Variants in SNX31 observed in about 807,000 individuals in gnomAD.
SNX31 encodes sorting nexin 31.
SNX31 carries 58 observed loss-of-function variants against 65.4 expected under a neutral mutation model. The observed-to-expected ratio is 0.89, with a 90% confidence interval of 0.72 to 1.10. SNX31 has a LOEUF of 1.10. SNX31 is among the 50% of genes least tolerant of loss of function. The pLI, the probability that SNX31 is intolerant of heterozygous loss-of-function variation, is 0.00. For missense variants in SNX31, 523 were observed against 529.7 expected (o/e 0.99, Z 0.12); for synonymous variants, 181 against 190.1 (o/e 0.95, Z 0.39).
In SNX31 at chr8:100,573,577, C is replaced by A. The variant is rs1812791911; in HGVS notation, c.*288G>T. On this transcript the variant is annotated 3_prime_UTR_variant, in exon 14 of 14. Transcript: ENST00000311812. ...TTTATATGAGTTGATTTGAATTTGC[C>A]ACTTGTCATTTATGAGACATTAAAA... is the stretch of plus-strand genomic sequence containing the variant. The A allele has an allele frequency of 4.3e-6, 1 of 232,240 alleles. No homozygotes were observed. Among genetic ancestry groups the A allele is most frequent in the African/African-American group, 2.3e-5 (1 of 44,426 alleles). 14.4% of individuals were successfully genotyped at this position (232,240 alleles called of 1,614,324 possible). A position where few individuals can be genotyped will look rare whatever the true frequency, so the allele number is the denominator to read the frequency against.
chr8:100,624,984 A>AT (rs146857029), intron 4 of SNX31, among the ~76,000 whole-genome samples: 1 of 151,670 alleles, frequency 6.6e-6, no homozygotes, highest in African/African-American at 2.4e-5. Flanking sequence ...TCTTATTATT[A>AT]TTTTTTTGTA....
Position 100,626,005 on chromosome 8 carries a change from T to A in SNX31, c.321+4322A>T, listed in dbSNP as rs932614896. 6.6e-6 allele frequency among the ~76,000 whole-genome samples: 1 copy of A among 152,126 alleles called. No individual in the cohort carries two copies. Among genetic ancestry groups the A allele is most frequent in the African/African-American group, 2.4e-5 (1 of 41,432 alleles). Reference sequence around the variant, plus strand: ...AGTTTGGGAGGCCGAGATGGGTAGATCACCTGAGGTCAGGAGTTCAAGACC... The same window carrying A: ...AGTTTGGGAGGCCGAGATGGGTAGAACACCTGAGGTCAGGAGTTCAAGACC... On this transcript the variant is annotated intron_variant, in intron 4 of 13. Coordinates refer to ENST00000311812, the MANE Select transcript of SNX31 (RefSeq NM_152628.4). The surrounding 1 kb of genome is among the most constrained non-coding windows in gnomAD (Gnocchi z 4.4).
chr8:100,654,810 C>A (rs1174713620), intron 1 of SNX31, among the ~76,000 whole-genome samples: 1 of 152,120 alleles, frequency 6.6e-6, no homozygotes, highest in Non-Finnish European at 1.5e-5. Context: ...GTCAGGAGTT[C>A]GAGACCAGCC....
chr8:100,603,751 T>G (rs1815877877), intron 8 of SNX31, among the ~76,000 whole-genome samples: 1 of 151,522 alleles, frequency 6.6e-6, no homozygotes, highest in African/African-American at 2.4e-5. Context: ...CGGCCTTTTT[T>G]TTTTTTGAGA....
At chr8:100,627,701 G>A (rs1818139015) in intron 4 of SNX31, among the ~76,000 whole-genome samples, 1 of 152,064 alleles carries the variant, frequency 6.6e-6, no homozygotes, top group Admixed American at 6.6e-5. Context: ...ACCACGACCG[G>A]CTAAATTTTT....
At position 100,625,416 on chromosome 8, in the gene SNX31, T is replaced by C. The variant is rs1817981816; in HGVS notation, c.321+4911A>G. Among the ~76,000 whole-genome samples, 1 of 148,438 alleles carries C rather than the reference T, an allele frequency of 6.7e-6. No homozygotes were observed. The highest frequency in any genetic ancestry group is 1.5e-5 in the Non-Finnish European group (1 of 67,208). ...GCGCACCATGGCTATTAGACATTCC[T>C]CTGCCTCAGAGCAGAATAGCAACAA... On this transcript the variant is annotated intron_variant, in intron 4 of 13. Transcript: ENST00000311812. This position sits in a 1 kb window ranked among gnomAD's most constrained non-coding sequence, Gnocchi z 4.2.
At chr8:100,661,887 T>A (rs1228483425) in intron 1 of SNX31, among the ~76,000 whole-genome samples, 3 of 152,112 alleles carry the variant, frequency 2.0e-5, no homozygotes, top group African/African-American at 7.2e-5. Flanking sequence ...TGCAGTGGCA[T>A]GATCTTGGCT....
chr8:100,584,390 T>C (rs2130818553), intron 11 of SNX31, among the ~76,000 whole-genome samples: 1 of 152,346 alleles, frequency 6.6e-6, no homozygotes, highest in Middle Eastern at 3.4e-3. Flanking sequence ...TGTGGATATA[T>C]TTACAGCAGA....
rs72679777 is a variant in SNX31 at position 100,604,479 on chromosome 8, T to C, written c.681+4015A>G. Among the ~76,000 whole-genome samples, 2,477 of 152,092 alleles carry C rather than the reference T, an allele frequency of 0.016. 37 individuals carry two copies. Among genetic ancestry groups the C allele is most frequent in the Middle Eastern group, 0.027 (8 of 292 alleles). On this transcript the variant is annotated intron_variant, in intron 8 of 13. Coordinates refer to ENST00000311812, the MANE Select transcript of SNX31 (RefSeq NM_152628.4). The surrounding 1 kb of genome is among the most constrained non-coding windows in gnomAD (Gnocchi z 4.3). ...AAGGGACGTGTGTGCCTGGACAAGG[T>C]CACCAGGCCATAGGGGAGTCAGGAA...
chr8:100,648,924 T>G lies in SNX31; in HGVS notation c.141+350A>C, dbSNP rs1455623486. ...AGTTTCCAAATTTTGGAGGGAAGCA[T>G]TGTCCTGGGGAACAGCGGGCACTGA... On this transcript the variant is annotated intron_variant, in intron 2 of 13. Coordinates refer to ENST00000311812, the MANE Select transcript of SNX31 (RefSeq NM_152628.4). The surrounding 1 kb of genome is among the most constrained non-coding windows in gnomAD (Gnocchi z 4.3). Among the ~76,000 whole-genome samples, 1 of 152,194 alleles carries G rather than the reference T, an allele frequency of 6.6e-6. No individual in the cohort carries two copies. The highest frequency in any genetic ancestry group is 1.5e-5 in the Non-Finnish European group (1 of 68,024).
intron 2 of SNX31, among the ~76,000 whole-genome samples, chr8:100,646,357 A>C (rs1320453401): frequency 6.6e-6 from 1 of 152,204 alleles, no homozygotes; most frequent in Non-Finnish European, 1.5e-5. Flanking sequence ...GGCAAGCAAA[A>C]GTGGTCTTAG....
intron 4 of SNX31, among the ~76,000 whole-genome samples, chr8:100,628,855 T>C (rs56165814): frequency 0.16 from 24,032 of 151,534 alleles, 2,156 homozygotes; most frequent in South Asian, 0.24. Context: ...TGTGTAGTCA[T>C]GTACCCCTTA....
intron 1 of SNX31, among the ~76,000 whole-genome samples, chr8:100,661,569 G>T (rs1272971400): frequency 6.6e-6 from 1 of 151,968 alleles, no homozygotes; most frequent in Non-Finnish European, 1.5e-5. Context: ...TCTAGATAGG[G>T]TCTCACTCTG....
chr8:100,620,862 G>A (rs546099856), intron 4 of SNX31, among the ~76,000 whole-genome samples: 1 of 152,308 alleles, frequency 6.6e-6, no homozygotes, highest in African/African-American at 2.4e-5. Flanking sequence ...CACTTTGGGA[G>A]GCTGAGGTGG....
At position 100,610,566 on chromosome 8, in the gene SNX31, G is replaced by A. The variant is rs1285601586; in HGVS notation, c.611+1434C>T. On this transcript the variant is annotated intron_variant, in intron 7 of 13. Transcript: ENST00000311812. The surrounding 1 kb of genome is among the most constrained non-coding windows in gnomAD (Gnocchi z 4.0). ...GCTTGAACGACTTGGCTAGGTTTAC[G>A]CAGCTAAGACCTGAGCAAGGCGCAA... Among the ~76,000 whole-genome samples the A allele has an allele frequency of 2.0e-5, 3 of 152,146 alleles. No homozygotes were observed. Among genetic ancestry groups the A allele is most frequent in the East Asian group, 1.9e-4 (1 of 5,198 alleles).
rs1302805850 is a variant in SNX31 at position 100,663,036 on chromosome 8, CAT to C, written c.-58+104_-58+105del. 2.0e-5 allele frequency: 3 copies of C among 152,338 alleles called. No individual in the cohort carries two copies. In the South Asian group the frequency reaches 6.2e-4, roughly 32 times the overall value. The allele number at this position is 152,338 out of a possible 1,614,324, so 9.4% of individuals were successfully genotyped here. A position where few individuals can be genotyped will look rare whatever the true frequency, so the allele number is the denominator to read the frequency against. The stretch of plus-strand genomic sequence containing the variant: ...TGCAGGAACAGAAAACAAACTACCA[CAT>C]GTTCTCACTTGTAGATGGGAGGTAA... On this transcript the variant is annotated intron_variant, in intron 1 of 5. Coordinates refer to the SNX31 transcript ENST00000520352.
Position 100,612,171 on chromosome 8 carries a change from C to A in SNX31, c.524-84G>T. On this transcript the variant is annotated intron_variant, in intron 6 of 13. Coordinates refer to ENST00000311812, the MANE Select transcript of SNX31 (RefSeq NM_152628.4). The surrounding 1 kb of genome is among the most constrained non-coding windows in gnomAD (Gnocchi z 4.3). The stretch of plus-strand genomic sequence containing the variant: ...GCAGCTTTCAAATGAGAAAATAAAA[C>A]CTTATTATTGGAAATAATAAAATCA... 6 of 805,930 alleles carry A rather than the reference C, an allele frequency of 7.4e-6. No individual in the cohort carries two copies. The highest frequency in any genetic ancestry group is 3.2e-5 in the South Asian group (2 of 61,714). The allele number at this position is 805,930 out of a possible 1,614,324, so 49.9% of individuals were successfully genotyped here. A position where few individuals can be genotyped will look rare whatever the true frequency, so the allele number is the denominator to read the frequency against.
intron 13 of SNX31, 28 bp from the exon 14 acceptor site, chr8:100,573,988 T>C (rs768653129): frequency 7.7e-7 from 1 of 1,302,628 alleles, no homozygotes; most frequent in Non-Finnish European, 1.1e-6. Context: ...AGGTCAGAAA[T>C]GTAAATGAAA....
chr8:100,663,027 A>AGG (rs1809813557), intron 1 of SNX31: 1 of 152,230 alleles, frequency 6.6e-6, no homozygotes, highest in Admixed American at 6.5e-5. Context: ...AACAGAAAAC[A>AGG]AACTACCACA....
Sources: gnomAD v4.1 joint callset for allele counts (sites outside exome capture counted in the v4.1 genomes callset) on GRCh38, gnomAD v4.1.1 for gene constraint, Gnocchi (gnomAD v3.1) non-coding constraint, MANE v1.5 for transcripts, NCBI Gene and HGNC (gene_info 2026-07-23, HGNC 2026-07-21) for gene names.